RGS4: variants seen among roughly 807,000 people sequenced by gnomAD.
RGS4 encodes the protein schizophrenia disorder 9.
Under a neutral mutation model 21.6 loss-of-function variants are expected in RGS4, and 15 were observed. That is an observed-to-expected ratio of 0.69 (90% CI 0.46 to 1.07). The LOEUF is 1.07. Among genes scored for constraint, RGS4 ranks in the 50% least tolerant of loss-of-function variants. The probability of loss-of-function intolerance (pLI) is 0.00; values close to 1 mark genes in which losing one functional copy is unlikely to be tolerated. For synonymous variants in RGS4, 94 were observed against 85.5 expected (o/e 1.10, Z -0.55); for missense variants, 237 against 239.0 (o/e 0.99, Z 0.06).
chr1:163,074,348 G>C lies in RGS4; in HGVS notation c.406G>C (p.Glu136Gln), dbSNP rs759654367. 5 of 1,613,716 alleles carry C rather than the reference G, an allele frequency of 3.1e-6. No individual in the cohort carries two copies. The African/African-American group carries it at 6.7e-5, about 22-fold the overall frequency. The change falls in exon 5 of 5, where the codon GAG (glutamate) becomes CAG (glutamine). Residue 136 changes from glutamate to glutamine, a missense_variant. Physicochemically the swap from Glu to Gln is conservative, Grantham distance 29 (BLOSUM62 2). Coordinates refer to ENST00000367909, the MANE Select transcript of RGS4 (RefSeq NM_005613.6). ...GAACCTGGATTCTTGCACCAGGGAA[G>C]AGACAAGCCGGAACATGCTAGAGCC... ...EVNLDSCTRE[E>Q]TSRNMLEPTI...
chr1:163,069,594 T>C (rs969451697), intron 1 of RGS4, 66 bp downstream of exon 1: 51 of 1,306,980 alleles, frequency 3.9e-5, no homozygotes, highest in Non-Finnish European at 5.6e-5. Flanking sequence ...TATTTACATG[T>C]TGTACTTACT....
chr1:163,074,725 C>T lies in RGS4; in HGVS notation c.*165C>T, dbSNP rs970099702. ...ACTTCTACGCATAAACTAGATATAG[C>T]TTTTGGTGTTTGAGTGTTCATCAGG... is the stretch of plus-strand genomic sequence containing the variant. On this transcript the variant is annotated 3_prime_UTR_variant, in exon 5 of 5. Transcript: ENST00000367909. The T allele has an allele frequency of 3.9e-6, 4 of 1,035,388 alleles. No individual in the cohort carries two copies. Among genetic ancestry groups the T allele is most frequent in the Non-Finnish European group, 5.9e-6 (4 of 683,474 alleles). The allele number at this position is 1,035,388 out of a possible 1,614,324, so 64.1% of individuals were successfully genotyped here.
In RGS4 at chr1:163,072,943, G is replaced by GC. The variant is rs1204201117; in HGVS notation, c.211+78dup. Reference sequence around the variant, plus strand: ...TTATGCTGGTCTAATAGAAACTGCAGCAAGGCCTGGCTTCTTTCTGATGTT... The same window carrying GC: ...TTATGCTGGTCTAATAGAAACTGCAGCCAAGGCCTGGCTTCTTTCTGATGTT... On this transcript the variant is annotated intron_variant, in intron 3 of 4. Transcript: ENST00000367909. 4 of 1,215,482 alleles carry GC rather than the reference G, an allele frequency of 3.3e-6. No homozygotes were observed. In the African/African-American group the frequency reaches 6.0e-5, roughly 18 times the overall value. The allele number at this position is 1,215,482 out of a possible 1,614,324, so 75.3% of individuals were successfully genotyped here.
intron 4 of RGS4, 45 bp from the exon 5 acceptor site, chr1:163,074,276 C>T: frequency 6.2e-6 from 10 of 1,610,494 alleles, no homozygotes; most frequent in Non-Finnish European, 8.5e-6. Context: ...CTTGCATCCT[C>T]AACAGGGATA....
chr1:163,072,544 C>A, intron 2 of RGS4, 45 bp downstream of exon 2: 1 of 1,333,102 alleles, frequency 7.5e-7, no homozygotes, highest in Non-Finnish European at 1.1e-6. Context: ...TATTAACTAT[C>A]TGATGATGGG....
Position 163,069,370 on chromosome 1 carries a change from A to G in RGS4, c.-115A>G, listed in dbSNP as rs1571158240. 2 of 1,569,106 alleles carry G rather than the reference A, an allele frequency of 1.3e-6. No individual in the cohort carries two copies. Among genetic ancestry groups the G allele is most frequent in the African/African-American group, 1.4e-5 (1 of 73,810 alleles). ...CTACAGGCTTAGCAGGAAGACGCTC[A>G]GAGGATTCTGACAATATCTTTACCG... On this transcript the variant is annotated 5_prime_UTR_variant, in exon 1 of 5. Coordinates refer to ENST00000367909, the MANE Select transcript of RGS4 (RefSeq NM_005613.6).
intron 4 of RGS4, 28 bp downstream of exon 4, chr1:163,073,650 T>G: frequency 6.8e-7 from 1 of 1,472,492 alleles, no homozygotes; most frequent in Non-Finnish European, 9.2e-7. Flanking sequence ...ACATAAAAAT[T>G]GTACGTATTT....
At chr1:163,074,258 C>A (rs1362591419) in intron 4 of RGS4, 63 bp from the exon 5 acceptor site, 6 of 1,601,666 alleles carry the variant, frequency 3.7e-6, no homozygotes, top group Non-Finnish European at 4.3e-6. Context: ...CACTACAAAG[C>A]ATACAGGCTT....
intron 1 of RGS4, chr1:163,070,592 T>C (rs1655268819): frequency 6.6e-6 from 1 of 152,154 alleles, no homozygotes; most frequent in Non-Finnish European, 1.5e-5. Context: ...ATCTATGAAA[T>C]AAGTTCCTCT....
At chr1:163,072,991 T>C in intron 3 of RGS4, 125 bp downstream of exon 3, 1 of 735,042 alleles carries the variant, frequency 1.4e-6, no homozygotes, top group South Asian at 2.0e-5. Context: ...ACTCTTTAGG[T>C]CTTAAATTCA....
Position 163,073,462 on chromosome 1 carries a change from T to C in RGS4, c.218T>C (p.Leu73Pro), listed in dbSNP as rs1387484885. ...CCTTTCTCCTGTATCATAGGTGGGC[T>C]GGCAGCTTTCAAAGCTTTCTTGAAG... Reference protein sequence around the residue: ...LENLISHECGLAAFKAFLKSE... With the variant: ...LENLISHECGPAAFKAFLKSE... The change falls in exon 4 of 5, where the codon CTG becomes CCG. Residue 73 changes from leucine (L) to proline (P), a missense_variant. By Grantham distance (98) the Leu-to-Pro change is moderately conservative. Coordinates refer to ENST00000367909, the MANE Select transcript of RGS4 (RefSeq NM_005613.6). The C allele has an allele frequency of 6.3e-7, 1 of 1,578,650 alleles. No individual in the cohort carries two copies. Among genetic ancestry groups the C allele is most frequent in the South Asian group, 1.2e-5 (1 of 83,266 alleles).
intron 4 of RGS4, chr1:163,074,007 A>C (rs1046987557): frequency 7.5e-6 from 3 of 399,736 alleles, no homozygotes; most frequent in African/African-American, 6.0e-5. Context: ...ACAACCCCAA[A>C]TAAATCAGTT....
At chr1:163,072,287 C>T in intron 1 of RGS4, 108 bp from the exon 2 acceptor site, 1 of 934,312 alleles carries the variant, frequency 1.1e-6, no homozygotes, top group Non-Finnish European at 1.6e-6. Flanking sequence ...GTTCCCTAAA[C>T]TGTCTCTGAG....
chr1:163,070,627 T>C (rs1304574431), intron 1 of RGS4: 1 of 152,170 alleles, frequency 6.6e-6, no homozygotes, highest in Non-Finnish European at 1.5e-5. Context: ...ATTTTCTGAA[T>C]GGAGTGGAGC....
chr1:163,072,736 C>CTTA (rs1164152951), intron 2 of RGS4, 69 bp from the exon 3 acceptor site: 1 of 1,359,630 alleles, frequency 7.4e-7, no homozygotes, highest in Non-Finnish European at 1.0e-6. Context: ...CATTCAGGAT[C>CTTA]TTAGATTTCT....
At chr1:163,073,415 C>T in intron 3 of RGS4, 41 bp from the exon 4 acceptor site, 2 of 1,493,312 alleles carry the variant, frequency 1.3e-6, no homozygotes, top group Non-Finnish European at 1.8e-6. Context: ...AAGAGGCCAA[C>T]CAGTGTGATG....
chr1:163,073,255 T>C (rs1655378882), intron 3 of RGS4, among the ~76,000 whole-genome samples: 1 of 152,118 alleles, frequency 6.6e-6, no homozygotes, highest in South Asian at 2.1e-4. Flanking sequence ...TGAGTAAGAA[T>C]CATTAGGTAG....
chr1:163,076,044 T>C lies in RGS4; in HGVS notation c.*1484T>C, dbSNP rs1336573176. On this transcript the variant is annotated 3_prime_UTR_variant, in exon 5 of 5. Transcript: ENST00000367909. ...ATTGAAATACTTGAAAACTTCTCATTTATGTTATTTATGATGTTATTTTGT... is the reference window on the plus strand; with the variant it reads ...ATTGAAATACTTGAAAACTTCTCATCTATGTTATTTATGATGTTATTTTGT... 6.6e-6 allele frequency: 1 copy of C among 152,592 alleles called. No individual in the cohort carries two copies. Among genetic ancestry groups the C allele is most frequent in the Non-Finnish European group, 1.5e-5 (1 of 68,036 alleles). 9.5% of individuals were successfully genotyped at this position (152,592 alleles called of 1,614,324 possible). A position where few individuals can be genotyped will look rare whatever the true frequency, so the allele number is the denominator to read the frequency against.
upstream of RGS4, chr1:163,068,880 A>ATTTG: frequency 1.7e-6 from 2 of 1,207,346 alleles, no homozygotes; most frequent in South Asian, 2.6e-5. Context: ...CACTGCGTGG[A>ATTTG]GACGATGATC....
Sources: allele counts gnomAD v4.1 joint callset (sites outside exome capture counted in the v4.1 genomes callset), GRCh38; gene constraint gnomAD v4.1.1; transcripts MANE v1.5; gene names NCBI Gene and HGNC (gene_info 2026-07-23, HGNC 2026-07-21).